The following CYTH4 variants were observed in gnomAD, a reference collection of about 807,000 sequenced individuals.
The protein encoded by CYTH4 is cytohesin-4.
Under a neutral mutation model 57.5 loss-of-function variants are expected in CYTH4, and 22 were observed. The ratio of observed to expected loss-of-function variants is 0.38; its 90% CI spans 0.27 to 0.55. CYTH4 has a LOEUF of 0.55. Ranked by LOEUF, CYTH4 falls within the 20% of genes least tolerant of loss-of-function variation. The pLI is 0.74. For missense variants in CYTH4, 420 were observed against 535.6 expected (o/e 0.78, Z 2.13); for synonymous variants, 186 against 206.5 (o/e 0.90, Z 0.85).
chr22:37,309,236 G>T lies in CYTH4; in HGVS notation c.721G>T (p.Glu241Ter). ...LRNLFDSIKS[E>*]PFSIPEDDGN... ...GAACCTCTTCGACAGCATCAAGAGT[G>T]AGCCATTCTCCATCCCTGAGGACGA... Residue 241 changes from glutamate (E) to a stop codon, truncating the protein, a stop_gained, in exon 9 of 13, where the codon GAG becomes TAG. Transcript: ENST00000248901. LOFTEE classifies it high-confidence loss of function. The T allele has an allele frequency of 6.2e-7, 1 of 1,614,114 alleles. No individual in the cohort carries two copies. The highest frequency in any genetic ancestry group is 8.5e-7 in the Non-Finnish European group (1 of 1,179,976).
intron 2 of CYTH4, 92 bp from the exon 3 acceptor site, chr22:37,294,568 C>T (rs1212635373): frequency 4.2e-6 from 6 of 1,435,844 alleles, no homozygotes; most frequent in Admixed American, 3.5e-5. Context: ...GAGAGTCGTG[C>T]CCAGGGGTAG....
chr22:37,314,152 T>C lies in CYTH4; in HGVS notation c.*641T>C. ...TCGCTGTGTGCCCTCTGCCAAGTCA[T>C]GCCCATTCTCTAGTTCTTGCAAAAC... On this transcript the variant is annotated 3_prime_UTR_variant, in exon 13 of 13. Coordinates refer to ENST00000248901, the MANE Select transcript of CYTH4 (RefSeq NM_013385.5). 2.6e-6 allele frequency: 1 copy of C among 387,742 alleles called. No homozygotes were observed. Among genetic ancestry groups the C allele is most frequent in the East Asian group, 3.7e-5 (1 of 27,338 alleles). The allele number at this position is 387,742 out of a possible 1,614,324, so 24.0% of individuals were successfully genotyped here.
chr22:37,294,216 G>C (rs1429016456), intron 2 of CYTH4, among the ~76,000 whole-genome samples: 2 of 121,358 alleles, frequency 1.6e-5, no homozygotes, highest in African/African-American at 3.2e-5. Context: ...GCGGGCGGGG[G>C]GTGCAGGCAG....
rs544056056 is a variant in CYTH4 at position 37,293,969 on chromosome 22, G to A, written c.103-691G>A. Among the ~76,000 whole-genome samples the A allele has an allele frequency of 5.1e-4, 77 of 151,892 alleles. 1 individual carries two copies. The highest frequency in any genetic ancestry group is 1.8e-3 in the African/African-American group (75 of 41,378). On this transcript the variant is annotated intron_variant, in intron 2 of 12. Transcript: ENST00000248901. ...GAAAGAGGGCCTAGGCTGCCTGTGC[G>A]TGGTGTCCCCGTAGTACCTGGCAGG...
chr22:37,314,203 T>G lies in CYTH4; in HGVS notation c.*692T>G, dbSNP rs1249441378. On this transcript the variant is annotated 3_prime_UTR_variant, in exon 13 of 13. Transcript: ENST00000248901. ...TGCAGTGTTTGGACTAGAAACGTATTGGCCCCTGCTAGCCCTGTGCTCCAG... is the reference window on the plus strand; with the variant it reads ...TGCAGTGTTTGGACTAGAAACGTATGGGCCCCTGCTAGCCCTGTGCTCCAG... The G allele has an allele frequency of 1.3e-5, 5 of 397,016 alleles. No homozygotes were observed. Among genetic ancestry groups the G allele is most frequent in the African/African-American group, 1.0e-4 (5 of 48,628 alleles). 24.6% of individuals were successfully genotyped at this position (397,016 alleles called of 1,614,324 possible).
chr22:37,300,104 T>C (rs1929125486), intron 6 of CYTH4: 1 of 717,464 alleles, frequency 1.4e-6, no homozygotes, highest in Non-Finnish European at 2.6e-6. Context: ...TGTTTAAAAC[T>C]GGTCCACAGT....
At chr22:37,293,836 C>A (rs903047792) in intron 2 of CYTH4, among the ~76,000 whole-genome samples, 7 of 151,720 alleles carry the variant, frequency 4.6e-5, no homozygotes, top group Non-Finnish European at 1.0e-4. Context: ...GGCTTGGGGT[C>A]GAGTTGGGGG....
rs182568114 is a variant in CYTH4 at position 37,284,648 on chromosome 22, C to T, written c.19+2060C>T. Among the ~76,000 whole-genome samples, 49 of 152,246 alleles carry T rather than the reference C, an allele frequency of 3.2e-4. No homozygotes were observed. The East Asian group carries it at 5.2e-3, about 16-fold the overall frequency. On this transcript the variant is annotated intron_variant, in intron 1 of 12. Coordinates refer to ENST00000248901, the MANE Select transcript of CYTH4 (RefSeq NM_013385.5). ...CGGGGATTGGGAGTTAGCCGGACCT[C>T]GCTCAGGTTCCAGCTCTGCACCACC... is the stretch of plus-strand genomic sequence containing the variant.
intron 1 of CYTH4, among the ~76,000 whole-genome samples, chr22:37,284,063 C>G (rs956635941): frequency 6.6e-6 from 1 of 152,202 alleles, no homozygotes; most frequent in Non-Finnish European, 1.5e-5. Context: ...GGTCACACGG[C>G]CAGTCAGCAG....
At chr22:37,294,478 C>T (rs1415914746) in intron 2 of CYTH4, among the ~76,000 whole-genome samples, 182 bp from the exon 3 acceptor site, 3 of 151,994 alleles carry the variant, frequency 2.0e-5, no homozygotes, top group Non-Finnish European at 4.4e-5. Flanking sequence ...AATTATGAGA[C>T]ATCCAGGGAG....
chr22:37,311,668 T>C lies in CYTH4; in HGVS notation c.957+141T>C. On this transcript the variant is annotated intron_variant, in intron 11 of 12. Coordinates refer to ENST00000248901, the MANE Select transcript of CYTH4 (RefSeq NM_013385.5). This position sits in a 1 kb window ranked among gnomAD's most constrained non-coding sequence, Gnocchi z 4.4. The stretch of plus-strand genomic sequence containing the variant: ...ACCTTCCCTGTGGCTCAGGGCTGCC[T>C]TCTCTCCCTCCTGGGGCCATGGACA... The C allele has an allele frequency of 1.2e-6, 1 of 837,704 alleles. No homozygotes were observed. The highest frequency in any genetic ancestry group is 1.9e-6 in the Non-Finnish European group (1 of 520,082). The allele number at this position is 837,704 out of a possible 1,614,324, so 51.9% of individuals were successfully genotyped here.
At position 37,311,643 on chromosome 22, in the gene CYTH4, AC is replaced by A; in HGVS notation, c.957+118del. 3.8e-6 allele frequency: 4 copies of A among 1,054,732 alleles called. No homozygotes were observed. The highest frequency in any genetic ancestry group is 5.7e-6 in the Non-Finnish European group (4 of 698,158). The allele number at this position is 1,054,732 out of a possible 1,614,324, so 65.3% of individuals were successfully genotyped here. On this transcript the variant is annotated intron_variant, in intron 11 of 12. Transcript: ENST00000248901. The surrounding 1 kb of genome is among the most constrained non-coding windows in gnomAD (Gnocchi z 4.4). ...CAGGAAGCCAGGCTGTGCCCCTTAC[AC>A]CTTCCCTGTGGCTCAGGGCTGCCTT...
chr22:37,293,226 T>G (rs1021668628), intron 2 of CYTH4, among the ~76,000 whole-genome samples: 4 of 152,226 alleles, frequency 2.6e-5, no homozygotes, highest in Middle Eastern at 3.2e-3. Context: ...CTGCAGTGGC[T>G]GTGCCCACCC....
At chr22:37,284,562 C>T (rs1928479981) in intron 1 of CYTH4, among the ~76,000 whole-genome samples, 1 of 151,766 alleles carries the variant, frequency 6.6e-6, no homozygotes, top group Non-Finnish European at 1.5e-5. Flanking sequence ...GACTTCCCCT[C>T]TCTGAGTTCT....
intron 8 of CYTH4, among the ~76,000 whole-genome samples, chr22:37,303,756 A>G (rs1929284357): frequency 6.6e-6 from 1 of 152,178 alleles, no homozygotes; most frequent in African/African-American, 2.4e-5. Context: ...AGATTCTTAG[A>G]CGCTCAGCAT....
chr22:37,299,850 G>T (rs1317958931), intron 6 of CYTH4, among the ~76,000 whole-genome samples: 1 of 152,130 alleles, frequency 6.6e-6, no homozygotes, highest in Non-Finnish European at 1.5e-5. Context: ...AATTAGCCGG[G>T]CGTGGTGGCG....
At chr22:37,303,740 G>C (rs1257255369) in intron 8 of CYTH4, among the ~76,000 whole-genome samples, 1 of 152,166 alleles carries the variant, frequency 6.6e-6, no homozygotes, top group Non-Finnish European at 1.5e-5. Context: ...CTATTTCTTA[G>C]AATAGAGATT....
Position 37,309,189 on chromosome 22 carries a change from TTCTC to T in CYTH4, c.697-20_697-17del, listed in dbSNP as rs757826278. The T allele has an allele frequency of 6.2e-7, 1 of 1,611,960 alleles. No homozygotes were observed. Among genetic ancestry groups the T allele is most frequent in the East Asian group, 2.2e-5 (1 of 44,842 alleles). ...CTCGGGTGGACTCACAGCCAGGTCTTTCTCTCCCTTGTCTTGGGGCAGAACCTCT... is the reference window on the plus strand; with the variant it reads ...CTCGGGTGGACTCACAGCCAGGTCTTTCCCTTGTCTTGGGGCAGAACCTCT... On this transcript the variant is annotated intron_variant, in intron 8 of 12. Transcript: ENST00000248901.
At chr22:37,307,741 T>C (rs1929454620) in intron 8 of CYTH4, among the ~76,000 whole-genome samples, 1 of 152,250 alleles carries the variant, frequency 6.6e-6, no homozygotes, top group African/African-American at 2.4e-5. Flanking sequence ...GATTTCATCC[T>C]CTGAGATAAC....
Sources: allele counts gnomAD v4.1 joint callset (sites outside exome capture counted in the v4.1 genomes callset), GRCh38; gene constraint gnomAD v4.1.1; non-coding constraint Gnocchi (gnomAD v3.1); transcripts MANE v1.5; gene names NCBI Gene and HGNC (gene_info 2026-07-23, HGNC 2026-07-21).